Variants in MSI2 observed in about 807,000 individuals in gnomAD.
The protein encoded by MSI2 is musashi RNA binding protein 2, also known as RNA-binding protein Musashi homolog 2.
In MSI2, 17 loss-of-function variants were observed where a neutral mutation model predicts 45.6. The ratio of observed to expected loss-of-function variants is 0.37; its 90% CI spans 0.26 to 0.56. The LOEUF is 0.56. Among genes scored for constraint, MSI2 ranks in the 20% least tolerant of loss-of-function variants. MSI2 has a pLI of 0.77. For missense variants in MSI2, 293 were observed against 444.2 expected (o/e 0.66, Z 3.06); for synonymous variants, 156 against 158.2 (o/e 0.99, Z 0.11).
rs1906924530 is a variant in MSI2, at chr17:57,257,675, C to T, written c.185+128C>T. ...CAGGCGCGTGGCTGATCTCGAACGG[C>T]GCTCTATACCACCCCCACCGCCCCC... On this transcript the variant is annotated intron_variant, in intron 3 of 13. Transcript: ENST00000284073. 2.0e-5 allele frequency: 13 copies of T among 637,906 alleles called. No individual in the cohort carries two copies. The South Asian group carries it at 2.5e-4, about 12-fold the overall frequency. The allele number at this position is 637,906 out of a possible 1,614,324, so 39.5% of individuals were successfully genotyped here. A position where few individuals can be genotyped will look rare whatever the true frequency, so the allele number is the denominator to read the frequency against.
Position 57,596,728 on chromosome 17 carries a change from A to G in MSI2, c.455-140A>G, listed in dbSNP as rs1440672263. On this transcript the variant is annotated intron_variant, in intron 7 of 13. Coordinates refer to ENST00000284073, the MANE Select transcript of MSI2 (RefSeq NM_138962.4). This position sits in a 1 kb window ranked among gnomAD's most constrained non-coding sequence, Gnocchi z 4.6. ...TTAGAAATCATTGCCTCCAACCTCAAGGTCCTCCCAAGGATCCGCCTACCT... is the reference window on the plus strand; with the variant it reads ...TTAGAAATCATTGCCTCCAACCTCAGGGTCCTCCCAAGGATCCGCCTACCT... 4.7e-6 allele frequency: 3 copies of G among 637,796 alleles called. No individual in the cohort carries two copies. The highest frequency in any genetic ancestry group is 8.4e-6 in the Non-Finnish European group (3 of 356,094). The allele number at this position is 637,796 out of a possible 1,614,324, so 39.5% of individuals were successfully genotyped here. A position where few individuals can be genotyped will look rare whatever the true frequency, so the allele number is the denominator to read the frequency against.
intron 7 of MSI2, among the ~76,000 whole-genome samples, chr17:57,593,567 A>G (rs1175043400): frequency 6.7e-6 from 1 of 148,772 alleles, no homozygotes; most frequent in East Asian, 2.1e-4. Flanking sequence ...TTTAGGGCCC[A>G]CCCTAAATCC....
chr17:57,566,009 A>T (rs2087721883), intron 7 of MSI2: 1 of 152,206 alleles, frequency 6.6e-6, no homozygotes, highest in Non-Finnish European at 1.5e-5. Context: ...GCACTTGGGC[A>T]GACCCCCAAA....
chr17:57,675,590 G>A (rs752931466), intron 12 of MSI2, among the ~76,000 whole-genome samples: 5 of 152,170 alleles, frequency 3.3e-5, no homozygotes, highest in Non-Finnish European at 5.9e-5. Flanking sequence ...TGAGAGCTGG[G>A]AAATGTCCCA....
chr17:57,624,498 G>A (rs946911564), intron 9 of MSI2, among the ~76,000 whole-genome samples: 4 of 152,204 alleles, frequency 2.6e-5, no homozygotes, highest in Non-Finnish European at 5.9e-5. Flanking sequence ...GGCCTTTGCT[G>A]TTCTTCCTTC....
At chr17:57,626,255 A>G (rs1908795792) in intron 9 of MSI2, 1 of 152,148 alleles carries the variant, frequency 6.6e-6, no homozygotes, top group Non-Finnish European at 1.5e-5. Flanking sequence ...GCAAGAATGT[A>G]CTGAGGTTAC....
intron 7 of MSI2, among the ~76,000 whole-genome samples, chr17:57,576,213 C>T (rs928607596): frequency 6.6e-6 from 1 of 152,140 alleles, no homozygotes; most frequent in African/African-American, 2.4e-5. Flanking sequence ...TGAACAAAAC[C>T]AACAGCAGTC....
chr17:57,652,892 G>A lies in MSI2; in HGVS notation c.790+731G>A, dbSNP rs1355888395. ...GAGCTGGGATATGTCCAGGGTGCCC[G>A]GGGTCCCTTTTGTCCCTCTCCCCAG... On this transcript the variant is annotated intron_variant, in intron 11 of 13. Transcript: ENST00000284073. This position sits in a 1 kb window ranked among gnomAD's most constrained non-coding sequence, Gnocchi z 4.1. 2.0e-5 allele frequency among the ~76,000 whole-genome samples: 3 copies of A among 152,166 alleles called. No individual in the cohort carries two copies. Among genetic ancestry groups the A allele is most frequent in the Non-Finnish European group, 4.4e-5 (3 of 68,028 alleles).
intron 5 of MSI2, among the ~76,000 whole-genome samples, chr17:57,370,620 A>T (rs1598179930): frequency 6.6e-6 from 1 of 152,202 alleles, no homozygotes; most frequent in Non-Finnish European, 1.5e-5. Flanking sequence ...TTAGGTTTTA[A>T]GTTGAGATTC....
intron 5 of MSI2, among the ~76,000 whole-genome samples, chr17:57,290,546 C>T (rs376033156): frequency 8.5e-5 from 13 of 152,330 alleles, no homozygotes; most frequent in Admixed American, 3.3e-4. Context: ...CTCCTAGCCC[C>T]GAGTGATCCT....
chr17:57,441,885 CTATT>C (rs1469687481), intron 6 of MSI2, among the ~76,000 whole-genome samples: 3 of 152,116 alleles, frequency 2.0e-5, no homozygotes, highest in South Asian at 2.1e-4. Flanking sequence ...TATTATTTCA[CTATT>C]TATTTCATAA....
chr17:57,303,444 A>G (rs1911594790), intron 5 of MSI2, among the ~76,000 whole-genome samples: 1 of 152,228 alleles, frequency 6.6e-6, no homozygotes, highest in Non-Finnish European at 1.5e-5. Flanking sequence ...GAAGGGGGAA[A>G]AATATCAGAG....
intron 5 of MSI2, among the ~76,000 whole-genome samples, chr17:57,388,077 T>TC (rs967891462): frequency 6.6e-6 from 1 of 152,184 alleles, no homozygotes; most frequent in Non-Finnish European, 1.5e-5. Context: ...CCTTCCAATC[T>TC]CCAAAATCTT....
chr17:57,569,536 C>T (rs1412267282), intron 7 of MSI2, among the ~76,000 whole-genome samples: 1 of 152,212 alleles, frequency 6.6e-6, no homozygotes, highest in Non-Finnish European at 1.5e-5. Flanking sequence ...CAAAACAGGG[C>T]ACCTTGCAAG....
intron 11 of MSI2, among the ~76,000 whole-genome samples, chr17:57,664,085 A>ACT (rs1467558348): frequency 2.0e-5 from 3 of 151,924 alleles, no homozygotes; most frequent in South Asian, 2.1e-4. Flanking sequence ...GCCTGCTTCC[A>ACT]CCTCTACTAA....
At position 57,672,329 on chromosome 17, in the gene MSI2, G is replaced by A. The variant is rs140836290; in HGVS notation, c.791-2643G>A. Among the ~76,000 whole-genome samples the A allele has an allele frequency of 5.9e-3, 903 of 152,316 alleles. 5 individuals are homozygous for A. The highest frequency in any genetic ancestry group is 0.034 in the Middle Eastern group (10 of 294). On this transcript the variant is annotated intron_variant, in intron 11 of 13. Coordinates refer to ENST00000284073, the MANE Select transcript of MSI2 (RefSeq NM_138962.4). ...CTTATTGTGAAATTCCCTTCAGGCC[G>A]ACTCAGAAACCACAGGCCTCCCCAC...
At chr17:57,553,264 G>A (rs541509142) in intron 7 of MSI2, among the ~76,000 whole-genome samples, 6 of 152,184 alleles carry the variant, frequency 3.9e-5, no homozygotes, top group African/African-American at 7.2e-5. Flanking sequence ...GCCAAGGCTC[G>A]ACCAGTGCAA....
chr17:57,490,543 G>A (rs1021135105), intron 6 of MSI2, among the ~76,000 whole-genome samples: 1 of 152,210 alleles, frequency 6.6e-6, no homozygotes, highest in Non-Finnish European at 1.5e-5. Context: ...GCTTGTGCAT[G>A]CCTTTATAAG....
chr17:57,557,645 C>T (rs778325638), intron 7 of MSI2, among the ~76,000 whole-genome samples: 5 of 152,196 alleles, frequency 3.3e-5, no homozygotes, highest in Admixed American at 6.5e-5. Context: ...CCCCTTGTGC[C>T]CATGCCAAGG....
Sources: gnomAD v4.1 joint callset for allele counts (sites outside exome capture counted in the v4.1 genomes callset) on GRCh38, gnomAD v4.1.1 for gene constraint, Gnocchi (gnomAD v3.1) non-coding constraint, MANE v1.5 for transcripts, NCBI Gene and HGNC (gene_info 2026-07-23, HGNC 2026-07-21) for gene names.